Variants in FOXP2 observed in about 807,000 individuals in gnomAD.
The protein encoded by FOXP2 is forkhead box P2.
FOXP2 carries 12 observed loss-of-function variants against 115.8 expected under a neutral mutation model. That is an observed-to-expected ratio of 0.10 (90% CI 0.07 to 0.17). The LOEUF (loss-of-function observed/expected upper bound fraction) is 0.17, where lower values mean the gene tolerates loss of function less well. Ranked by LOEUF, FOXP2 falls within the 10% of genes least tolerant of loss-of-function variation. The probability of loss-of-function intolerance (pLI) is 1.00; values close to 1 mark genes in which losing one functional copy is unlikely to be tolerated. For missense variants in FOXP2, 629 were observed against 843.5 expected (o/e 0.75, Z 3.15); for synonymous variants, 328 against 297.7 (o/e 1.10, Z -1.05).
chr7:114,657,864 A>G (rs993864899), intron 10 of FOXP2, among the ~76,000 whole-genome samples: 15 of 152,156 alleles, frequency 9.9e-5, no homozygotes, highest in African/African-American at 3.6e-4. Flanking sequence ...GTAGATTATT[A>G]GATAACCTCT....
At chr7:114,334,692 T>C (rs2694935) in intron 2 of FOXP2, among the ~76,000 whole-genome samples, 85,206 of 149,850 alleles carry the variant, frequency 0.57, 25,090 homozygotes, top group East Asian at 0.84. Context: ...AAATGTTTTA[T>C]CGGGTTGGAG....
At chr7:114,541,805 T>C (rs1003181380) in intron 3 of FOXP2, among the ~76,000 whole-genome samples, 3 of 151,466 alleles carry the variant, frequency 2.0e-5, no homozygotes, top group Non-Finnish European at 2.9e-5. Context: ...CTTTCTGTAA[T>C]CCATTAGGAT....
At chr7:114,419,430 G>A (rs1408467064) in intron 1 of FOXP2, among the ~76,000 whole-genome samples, 1 of 151,832 alleles carries the variant, frequency 6.6e-6, no homozygotes, top group Non-Finnish European at 1.5e-5. Context: ...GTTAATACAG[G>A]TGTTTTTGGA....
At chr7:114,203,178 T>G (rs1794115735) in intron 1 of FOXP2, among the ~76,000 whole-genome samples, 1 of 152,234 alleles carries the variant, frequency 6.6e-6, no homozygotes, top group Non-Finnish European at 1.5e-5. Context: ...TTTGAGTTTT[T>G]CATCTATAAA....
chr7:114,387,233 G>A (rs1285424745), intron 2 of FOXP2, among the ~76,000 whole-genome samples: 2 of 152,110 alleles, frequency 1.3e-5, no homozygotes, highest in South Asian at 2.1e-4. Context: ...GATAACACCT[G>A]TATTTTGGGG....
chr7:114,354,174 A>G (rs954870929), intron 2 of FOXP2, among the ~76,000 whole-genome samples: 15 of 152,102 alleles, frequency 9.9e-5, no homozygotes, highest in Non-Finnish European at 2.9e-5. Context: ...TCCCCGGGAT[A>G]TTGATACTTC....
At chr7:114,185,585 A>G (rs1482267148) in intron 1 of FOXP2, among the ~76,000 whole-genome samples, 1 of 152,164 alleles carries the variant, frequency 6.6e-6, no homozygotes. Flanking sequence ...TGAAATGTCC[A>G]TGTTCAGAAA....
chr7:114,559,943 G>A (rs1242699186), intron 3 of FOXP2, among the ~76,000 whole-genome samples: 1 of 151,154 alleles, frequency 6.6e-6, no homozygotes, highest in Non-Finnish European at 1.5e-5. Flanking sequence ...CTTTAGGAAC[G>A]TCAATGGATT....
At chr7:114,375,055 T>G (rs1349383610) in intron 2 of FOXP2, among the ~76,000 whole-genome samples, 1 of 152,098 alleles carries the variant, frequency 6.6e-6, no homozygotes, top group Admixed American at 6.6e-5. Context: ...ATTTTATGCT[T>G]TAGTGGACAC....
At chr7:114,581,280 C>CT (rs950970640) in intron 3 of FOXP2, among the ~76,000 whole-genome samples, 36 of 151,642 alleles carry the variant, frequency 2.4e-4, no homozygotes, top group African/African-American at 8.5e-4. Context: ...GCCTCCTAGG[C>CT]TTAAGCGATC....
At chr7:114,184,951 T>A (rs1205489108) in intron 1 of FOXP2, among the ~76,000 whole-genome samples, 1 of 152,216 alleles carries the variant, frequency 6.6e-6, no homozygotes, top group African/African-American at 2.4e-5. Flanking sequence ...CTACATTTTC[T>A]GCCATGAAGT....
intron 2 of FOXP2, among the ~76,000 whole-genome samples, chr7:114,360,990 GGTTT>G (rs1791732051): frequency 6.6e-6 from 1 of 151,988 alleles, no homozygotes; most frequent in South Asian, 2.1e-4. Flanking sequence ...ATAATTTTTT[GGTTT>G]GTTTAGTCTC....
chr7:114,268,231 A>G (rs1299601936), intron 1 of FOXP2, among the ~76,000 whole-genome samples: 8 of 152,192 alleles, frequency 5.3e-5, no homozygotes, highest in Non-Finnish European at 1.2e-4. Context: ...GGACATGAAC[A>G]TGTAAATTTT....
intron 2 of FOXP2, among the ~76,000 whole-genome samples, chr7:114,371,406 T>G (rs1170189566): frequency 2.0e-5 from 3 of 152,038 alleles, no homozygotes; most frequent in African/African-American, 7.2e-5. Flanking sequence ...TACTTCTGTT[T>G]TAAGGTAGAT....
At chr7:114,643,010 A>G (rs1340501575) in intron 7 of FOXP2, among the ~76,000 whole-genome samples, 1 of 150,682 alleles carries the variant, frequency 6.6e-6, no homozygotes, top group Non-Finnish European at 1.5e-5. Flanking sequence ...ACGGGGTTTC[A>G]CCATGTTAGC....
intron 1 of FOXP2, among the ~76,000 whole-genome samples, chr7:114,250,053 G>GT (rs1236152246): frequency 1.3e-5 from 2 of 151,112 alleles, no homozygotes; most frequent in Non-Finnish European, 2.9e-5. Flanking sequence ...GCAGTGTTTG[G>GT]TTTTTTGTCC....
chr7:114,115,698 C>T (rs1791389491), intron 1 of FOXP2, among the ~76,000 whole-genome samples: 1 of 152,134 alleles, frequency 6.6e-6, no homozygotes, highest in South Asian at 2.1e-4. Flanking sequence ...TATGGGTTCT[C>T]ATAACACCCT....
intron 1 of FOXP2, among the ~76,000 whole-genome samples, chr7:114,114,618 G>A (rs1791355858): frequency 6.6e-6 from 1 of 152,068 alleles, no homozygotes; most frequent in African/African-American, 2.4e-5. Flanking sequence ...AGTGTACTGA[G>A]CAACTCTTCC....
chr7:114,530,654 G>C (rs184826753), intron 2 of FOXP2, among the ~76,000 whole-genome samples: 1 of 151,768 alleles, frequency 6.6e-6, no homozygotes, highest in African/African-American at 2.4e-5. Context: ...GTGGAAAAAA[G>C]TATTTATCTG....
Sources: allele counts gnomAD v4.1 joint callset (sites outside exome capture counted in the v4.1 genomes callset), GRCh38; gene constraint gnomAD v4.1.1; transcripts MANE v1.5; gene names NCBI Gene and HGNC (gene_info 2026-07-23, HGNC 2026-07-21).